PPP1R9A: variants seen among roughly 807,000 people sequenced by gnomAD.
PPP1R9A encodes neurabin-1.
In PPP1R9A, 59 loss-of-function variants were observed where a neutral mutation model predicts 141.9. That is an observed-to-expected ratio of 0.42 (90% CI 0.34 to 0.52). The LOEUF is 0.52. PPP1R9A is among the 20% of genes least tolerant of loss of function. PPP1R9A has a pLI of 0.10. For synonymous variants in PPP1R9A, 500 were observed against 569.7 expected (o/e 0.88, Z 1.74); for missense variants, 1,444 against 1,611.9 (o/e 0.90, Z 1.78).
intron 2 of PPP1R9A, among the ~76,000 whole-genome samples, chr7:95,104,670 T>G (rs1230141312): frequency 6.6e-6 from 1 of 152,150 alleles, no homozygotes; most frequent in East Asian, 1.9e-4. Flanking sequence ...ATCAATACAC[T>G]AGATAATTCT....
At chr7:94,912,420 G>A (rs1020928341) in intron 2 of PPP1R9A, among the ~76,000 whole-genome samples, 24 of 152,138 alleles carry the variant, frequency 1.6e-4, no homozygotes, top group African/African-American at 5.1e-4. Context: ...CTGAGATGCT[G>A]GCATGCTCTC....
chr7:94,911,035 T>G lies in PPP1R9A; in HGVS notation c.922T>G (p.Ser308Ala), dbSNP rs748629054. Residue 308 changes from serine to alanine, a missense_variant, in exon 2 of 20, where the codon TCT (serine) becomes GCT (alanine). Ser to Ala is a moderately conservative substitution (Grantham distance 99, BLOSUM62 1). Around this residue, in one of 5 missense-constraint regions of PPP1R9A, gnomAD observed 490 missense variants for 521.1 expected, o/e 0.94. Transcript: ENST00000433360. ...QQSKEPEDSTSNQQTPDSIDK... is the reference protein window; with the variant it reads ...QQSKEPEDSTANQQTPDSIDK... ...GAGCAAGGAACCCGAGGACTCCACA[T>G]CTAATCAACAGACTCCCGACAGCAT... 3 of 1,614,022 alleles carry G rather than the reference T, an allele frequency of 1.9e-6. No homozygotes were observed. The highest frequency in any genetic ancestry group is 2.2e-5 in the South Asian group (2 of 91,084).
intron 2 of PPP1R9A, among the ~76,000 whole-genome samples, chr7:94,989,357 A>C (rs2151414738): frequency 6.6e-6 from 1 of 152,222 alleles, no homozygotes; most frequent in Admixed American, 6.5e-5. Context: ...TGTGGAGTAA[A>C]GGATATTGAA....
At chr7:95,266,849 G>C (rs1801375490) in intron 12 of PPP1R9A, among the ~76,000 whole-genome samples, 1 of 152,072 alleles carries the variant, frequency 6.6e-6, no homozygotes, top group South Asian at 2.1e-4. Context: ...CTCTCTCCCA[G>C]TTATCACAAC....
intron 8 of PPP1R9A, among the ~76,000 whole-genome samples, chr7:95,244,877 C>A (rs1209798960): frequency 6.6e-6 from 1 of 152,072 alleles, no homozygotes; most frequent in Non-Finnish European, 1.5e-5. Flanking sequence ...ACTTAATCAT[C>A]CAATAAGGAA....
intron 2 of PPP1R9A, among the ~76,000 whole-genome samples, chr7:95,006,948 C>T (rs1803700050): frequency 6.6e-6 from 1 of 152,008 alleles, no homozygotes; most frequent in Non-Finnish European, 1.5e-5. Flanking sequence ...TCGCAACCTC[C>T]ACCTCCCAGG....
chr7:94,924,939 C>T (rs1016478910), intron 2 of PPP1R9A, among the ~76,000 whole-genome samples: 2 of 152,072 alleles, frequency 1.3e-5, no homozygotes, highest in South Asian at 2.1e-4. Flanking sequence ...AGCTGGAGGA[C>T]GGTTGAAATA....
chr7:95,060,830 G>A (rs1006264618), intron 2 of PPP1R9A, among the ~76,000 whole-genome samples: 5 of 152,174 alleles, frequency 3.3e-5, no homozygotes, highest in African/African-American at 1.2e-4. Flanking sequence ...GTGCCATGTG[G>A]CAGCAAATTC....
chr7:95,135,111 T>A (rs1160683602), intron 4 of PPP1R9A, among the ~76,000 whole-genome samples: 4 of 152,214 alleles, frequency 2.6e-5, no homozygotes, highest in Non-Finnish European at 5.9e-5. Flanking sequence ...ACACTTATAG[T>A]GTTTTTTATA....
intron 2 of PPP1R9A, among the ~76,000 whole-genome samples, chr7:95,101,406 G>A (rs1818779899): frequency 1.3e-5 from 2 of 152,136 alleles, no homozygotes; most frequent in Admixed American, 1.3e-4. Flanking sequence ...GTCCATGTTA[G>A]GTCAAAGGGA....
At chr7:95,146,942 C>T (rs1827738654) in intron 4 of PPP1R9A, among the ~76,000 whole-genome samples, 1 of 152,094 alleles carries the variant, frequency 6.6e-6, no homozygotes, top group African/African-American at 2.4e-5. Context: ...ATGCCTTCAG[C>T]TTTGTTGTTT....
chr7:94,998,258 A>G (rs1258624342), intron 2 of PPP1R9A, among the ~76,000 whole-genome samples: 1 of 152,184 alleles, frequency 6.6e-6, no homozygotes, highest in East Asian at 1.9e-4. Context: ...CATTTAAATT[A>G]GGTTTATAGC....
intron 8 of PPP1R9A, among the ~76,000 whole-genome samples, chr7:95,234,724 T>C (rs1452431622): frequency 1.3e-5 from 2 of 152,144 alleles, no homozygotes; most frequent in African/African-American, 4.8e-5. Context: ...AAAGGAAGGC[T>C]AAGCAAGAAG....
chr7:95,106,035 G>A lies in PPP1R9A; in HGVS notation c.1396-5224G>A, dbSNP rs570556603. On this transcript the variant is annotated intron_variant, in intron 2 of 19. Coordinates refer to ENST00000433360, the MANE Select transcript of PPP1R9A (RefSeq NM_001166160.2). Reference sequence around the variant, plus strand: ...TTTGGGAGACCAAGGTGGAAGGATCGTTTGAGGCCAAGAGATCAAGACCAG... The same window carrying A: ...TTTGGGAGACCAAGGTGGAAGGATCATTTGAGGCCAAGAGATCAAGACCAG... Among the ~76,000 whole-genome samples the A allele has an allele frequency of 2.0e-5, 3 of 152,210 alleles. No homozygotes were observed. In the South Asian group the frequency reaches 6.2e-4, roughly 32 times the overall value.
chr7:94,970,631 C>CATTTTT (rs1170197947), intron 2 of PPP1R9A, among the ~76,000 whole-genome samples: 2 of 147,776 alleles, frequency 1.4e-5, no homozygotes, highest in East Asian at 4.0e-4. Flanking sequence ...TTGCCAGCCA[C>CATTTTT]CTTTTTTTTT....
At position 95,278,410 on chromosome 7, in the gene PPP1R9A, GTAT is replaced by G. The variant is rs1454204820; in HGVS notation, c.3296+4247_3296+4249del. On this transcript the variant is annotated intron_variant, in intron 16 of 19. Transcript: ENST00000433360. Reference sequence around the variant, plus strand: ...TTTGGGTTTGGAGGGTAAATAAAATGTATTATTGTTAAAATTATTTTACCTCTT... The same window carrying G: ...TTTGGGTTTGGAGGGTAAATAAAATGTATTGTTAAAATTATTTTACCTCTT... Among the ~76,000 whole-genome samples, 4 of 152,060 alleles carry G rather than the reference GTAT, an allele frequency of 2.6e-5. No homozygotes were observed. The South Asian group carries it at 8.3e-4, about 31-fold the overall frequency.
At chr7:95,077,930 T>G (rs973454778) in intron 2 of PPP1R9A, among the ~76,000 whole-genome samples, 2 of 152,024 alleles carry the variant, frequency 1.3e-5, no homozygotes, top group Admixed American at 6.6e-5. Flanking sequence ...ATGGAGCTTT[T>G]CTTCATAGAT....
chr7:95,005,672 T>C (rs1265184218), intron 2 of PPP1R9A, among the ~76,000 whole-genome samples: 1 of 152,198 alleles, frequency 6.6e-6, no homozygotes, highest in African/African-American at 2.4e-5. Context: ...AAGTGATATA[T>C]ACTAGCATCT....
intron 4 of PPP1R9A, among the ~76,000 whole-genome samples, chr7:95,123,711 A>G (rs1479664658): frequency 6.6e-6 from 1 of 152,156 alleles, no homozygotes; most frequent in Non-Finnish European, 1.5e-5. Context: ...AGAAAATGTA[A>G]CTAGGAGCCT....
Sources: gnomAD v4.1 joint callset for allele counts (sites outside exome capture counted in the v4.1 genomes callset) on GRCh38, gnomAD v4.1.1 for gene constraint, gnomAD v4.1.1 regional missense constraint, MANE v1.5 for transcripts, NCBI Gene and HGNC (gene_info 2026-07-23, HGNC 2026-07-21) for gene names.